Variants in MMP28 observed in about 807,000 individuals in gnomAD.
MMP28 encodes matrix metalloproteinase-28.
MMP28 carries 55 observed loss-of-function variants against 60.5 expected under a neutral mutation model. The ratio of observed to expected loss-of-function variants is 0.91; its 90% CI spans 0.73 to 1.14. The LOEUF (loss-of-function observed/expected upper bound fraction) is 1.14, where lower values mean the gene tolerates loss of function less well. Among genes scored for constraint, MMP28 ranks in the 50% most tolerant of loss-of-function variants. The pLI is 0.00. For missense variants in MMP28, 686 were observed against 738.3 expected (o/e 0.93, Z 0.82); for synonymous variants, 318 against 312.5 (o/e 1.02, Z -0.18).
chr17:35,757,704 T>C lies in MMP28; in HGVS notation c.266-1285A>G, dbSNP rs587693623. On this transcript the variant is annotated intron_variant, in intron 2 of 2. Transcript: ENST00000615317. ...TCCTTTTCTCTATACAAATGTAAGA[T>C]GTTGTTACAAATATTCCCAATCAAG... 6.6e-5 allele frequency among the ~76,000 whole-genome samples: 10 copies of C among 152,338 alleles called. No individual in the cohort carries two copies. The South Asian group carries it at 2.1e-3, about 32-fold the overall frequency.
intron 1 of MMP28, among the ~76,000 whole-genome samples, chr17:35,780,309 C>T (rs1555609033): frequency 6.6e-6 from 1 of 152,022 alleles, no homozygotes; most frequent in African/African-American, 2.4e-5. Context: ...CTCAGGCGGT[C>T]CACCCACCTC....
chr17:35,779,136 T>A, intron 2 of MMP28, 61 bp from the exon 3 acceptor site: 1 of 1,579,484 alleles, frequency 6.3e-7, no homozygotes, highest in Non-Finnish European at 8.6e-7. Flanking sequence ...CAGGGAAGTC[T>A]GCCTCCCTGG....
chr17:35,795,456 C>T lies in MMP28; in HGVS notation c.-79G>A. On this transcript the variant is annotated 5_prime_UTR_variant, in exon 1 of 8. Coordinates refer to ENST00000605424, the MANE Select transcript of MMP28 (RefSeq NM_024302.5). ...GCCGGCAGTCAGCCGCGCCCGGGACCCCGGGGATGGGACTGCTCTGCGCCG... is the reference window on the plus strand; with the variant it reads ...GCCGGCAGTCAGCCGCGCCCGGGACTCCGGGGATGGGACTGCTCTGCGCCG... 1 of 1,093,104 alleles carries T rather than the reference C, an allele frequency of 9.1e-7. No individual in the cohort carries two copies. Among genetic ancestry groups the T allele is most frequent in the Non-Finnish European group, 1.2e-6 (1 of 824,636 alleles). The allele number at this position is 1,093,104 out of a possible 1,614,324, so 67.7% of individuals were successfully genotyped here. A position where few individuals can be genotyped will look rare whatever the true frequency, so the allele number is the denominator to read the frequency against.
chr17:35,770,340 T>A, intron 4 of MMP28, 28 bp from the exon 5 acceptor site: 1 of 1,472,622 alleles, frequency 6.8e-7, no homozygotes, highest in Non-Finnish European at 8.9e-7. Flanking sequence ...GGTCAGGGGG[T>A]GCCACGGCCC....
chr17:35,773,209 T>C lies in MMP28; in HGVS notation c.575A>G (p.Asp192Gly). The change falls in exon 4 of 8, where the codon GAT (aspartate) becomes GGT (glycine). Residue 192 changes from aspartate to glycine, a missense_variant. Transcript: ENST00000605424. Reference protein sequence around the residue: ...RLTFFQGDHNDGLGNAFDGPG... With the variant: ...RLTFFQGDHNGGLGNAFDGPG... ...GCCATCAAAGGCATTGCCCAGCCCA[T>C]CGTTGTGGTCCCCTTGGAAGAAGGT... 1 of 1,613,980 alleles carries C rather than the reference T, an allele frequency of 6.2e-7. No individual in the cohort carries two copies. The highest frequency in any genetic ancestry group is 1.1e-5 in the South Asian group (1 of 91,080).
intron 1 of MMP28, among the ~76,000 whole-genome samples, chr17:35,784,207 G>A (rs1233387712): frequency 1.3e-5 from 2 of 151,770 alleles, no homozygotes; most frequent in African/African-American, 4.8e-5. Flanking sequence ...GCTGGAACCC[G>A]GGAGGTGGAG....
At position 35,770,278 on chromosome 17, in the gene MMP28, G is replaced by T; in HGVS notation, c.639C>A (p.Arg213=). ...CATCTTGGTCGAAGTGCGCTTCGCC[G>T]CGGCGGGGCAGGAAGGCGTGCGCCA... is the stretch of plus-strand genomic sequence containing the variant. The part of the protein sequence containing the change: ...GALAHAFLPR[R]GEAHFDQDER... The change falls in exon 5 of 8, where the codon CGC becomes CGA. Residue 213 remains arginine, a synonymous_variant. Coordinates refer to ENST00000605424, the MANE Select transcript of MMP28 (RefSeq NM_024302.5). 3 of 1,558,558 alleles carry T rather than the reference G, an allele frequency of 1.9e-6. No individual in the cohort carries two copies. Among genetic ancestry groups the T allele is most frequent in the South Asian group, 1.2e-5 (1 of 85,952 alleles).
At chr17:35,794,860 C>A (rs2086920664) in intron 1 of MMP28, among the ~76,000 whole-genome samples, 1 of 152,208 alleles carries the variant, frequency 6.6e-6, no homozygotes, top group African/African-American at 2.4e-5. Context: ...CTGTGTCCCG[C>A]GTCCCGGCCA....
intron 6 of MMP28, 98 bp downstream of exon 6, chr17:35,768,132 C>A: frequency 6.9e-7 from 1 of 1,454,924 alleles, no homozygotes. Context: ...GGATTTCTGG[C>A]TTTTACAGTC....
intron 3 of MMP28, among the ~76,000 whole-genome samples, chr17:35,778,252 A>C (rs974365187): frequency 7.2e-5 from 11 of 152,216 alleles, no homozygotes; most frequent in African/African-American, 2.7e-4. Context: ...CAGAAGAGGC[A>C]AATCCATTGA....
At chr17:35,780,787 A>G (rs1183787011) in intron 1 of MMP28, among the ~76,000 whole-genome samples, 1 of 151,952 alleles carries the variant, frequency 6.6e-6, no homozygotes, top group Non-Finnish European at 1.5e-5. Flanking sequence ...GTGAGCCGAG[A>G]TCACGCAGCT....
At chr17:35,760,831 C>A in intron 2 of MMP28, 1 of 1,317,000 alleles carries the variant, frequency 7.6e-7, no homozygotes, top group Non-Finnish European at 1.1e-6. Flanking sequence ...CTAGCCCCAC[C>A]CCTTGTGACC....
chr17:35,771,994 AAGCTTGTCGAGGGTCCCTCC>A (rs1039749895), intron 4 of MMP28, among the ~76,000 whole-genome samples: 48 of 151,908 alleles, frequency 3.2e-4, no homozygotes, highest in African/African-American at 1.1e-3. Context: ...GTTTGCCTAG[AAGCTTGTCGAGGGTCCCTCC>A]AGCTTTGCCT....
rs112658963 is a variant in MMP28, at chr17:35,774,590, G to A, written c.380-1186C>T. Among the ~76,000 whole-genome samples the A allele has an allele frequency of 2.7e-4, 41 of 152,324 alleles. 1 individual carries two copies. Among genetic ancestry groups the A allele is most frequent in the African/African-American group, 9.6e-4 (40 of 41,572 alleles). On this transcript the variant is annotated intron_variant, in intron 3 of 7. Transcript: ENST00000605424. The stretch of plus-strand genomic sequence containing the variant: ...TAAGATTCTCCAGATGTAAGGGAGG[G>A]TCTTGGAGAGCAGAGGAGCTGGACT...
chr17:35,791,879 T>C (rs921944428), intron 1 of MMP28, among the ~76,000 whole-genome samples: 2 of 152,140 alleles, frequency 1.3e-5, no homozygotes, highest in African/African-American at 4.8e-5. Flanking sequence ...GTGAACCCCA[T>C]ACAGACTTAT....
Position 35,770,115 on chromosome 17 carries a change from C to A in MMP28, c.802G>T (p.Asp268Tyr), listed in dbSNP as rs1555604856. The A allele has an allele frequency of 6.2e-7, 1 of 1,604,876 alleles. No homozygotes were observed. The highest frequency in any genetic ancestry group is 1.3e-5 in the African/African-American group (1 of 74,696). ...ACGTCGTCCCAGCTGAGCAGCGCGT[C>A]GCGGCCCAGCCTCTTGTAGTAGGGC... ...MAPYYKRLGR[D>Y]ALLSWDDVLA... Residue 268 changes from aspartate to tyrosine, a missense_variant, in exon 5 of 8, where the codon GAC (aspartate) becomes TAC (tyrosine). Asp to Tyr is a radical substitution (Grantham distance 160, BLOSUM62 -3). Transcript: ENST00000605424.
intron 3 of MMP28, chr17:35,778,638 A>C: frequency 2.5e-6 from 2 of 814,424 alleles, no homozygotes; most frequent in Non-Finnish European, 3.6e-6. Context: ...AAGGAATTAC[A>C]TGGGTTTTGT....
chr17:35,779,041 C>A lies in MMP28; in HGVS notation c.226G>T (p.Gly76Cys). 1.9e-6 allele frequency: 3 copies of A among 1,614,012 alleles called. No homozygotes were observed. The highest frequency in any genetic ancestry group is 1.7e-6 in the Non-Finnish European group (2 of 1,179,890). The change falls in exon 3 of 8, where the codon GGC becomes TGC. Residue 76 changes from glycine (G) to cysteine (C), a missense_variant. Physicochemically the swap from Gly to Cys is radical, Grantham distance 159. Transcript: ENST00000605424. ...FQWVSQLPVS[G>C]VLDRATLRQM... Reference sequence around the variant, plus strand: ...CGCAGGGTGGCGCGGTCCAACACGCCGCTGACAGGTAGCTGGGACACCCAC... The same window carrying A: ...CGCAGGGTGGCGCGGTCCAACACGCAGCTGACAGGTAGCTGGGACACCCAC...
At chr17:35,773,446 G>A in intron 3 of MMP28, 42 bp from the exon 4 acceptor site, 1 of 1,519,074 alleles carries the variant, frequency 6.6e-7, no homozygotes, top group Non-Finnish European at 8.9e-7. Flanking sequence ...CTGCTGCAGA[G>A]CCCGAGTCTG....
Sources: allele counts gnomAD v4.1 joint callset (sites outside exome capture counted in the v4.1 genomes callset), GRCh38; gene constraint gnomAD v4.1.1; transcripts MANE v1.5; gene names NCBI Gene and HGNC (gene_info 2026-07-23, HGNC 2026-07-21).